The following ADCK1 variants were observed in gnomAD, a reference collection of about 807,000 sequenced individuals.
ADCK1 encodes the protein aarF domain containing kinase 1.
Under a neutral mutation model 52.3 loss-of-function variants are expected in ADCK1, and 41 were observed. The observed-to-expected ratio is 0.78, with a 90% confidence interval of 0.61 to 1.02. ADCK1 has a LOEUF of 1.02. Ranked by LOEUF, ADCK1 falls within the 50% of genes least tolerant of loss-of-function variation. The pLI is 0.00. For missense variants in ADCK1, 658 were observed against 679.5 expected (o/e 0.97, Z 0.35); for synonymous variants, 250 against 274.6 (o/e 0.91, Z 0.89).
chr14:77,929,455 G>T (rs923530029), intron 9 of ADCK1, among the ~76,000 whole-genome samples: 12 of 152,330 alleles, frequency 7.9e-5, no homozygotes, highest in Middle Eastern at 3.4e-3. Context: ...TTAAGAGCAA[G>T]AAAACCTTTT....
chr14:77,878,352 C>T (rs1288750128), intron 4 of ADCK1, among the ~76,000 whole-genome samples: 1 of 152,234 alleles, frequency 6.6e-6, no homozygotes, highest in African/African-American at 2.4e-5. Context: ...TACATACGAG[C>T]ATTTTGAAGG....
intron 7 of ADCK1, among the ~76,000 whole-genome samples, chr14:77,908,747 G>A (rs1479092468): frequency 6.6e-6 from 1 of 152,134 alleles, no homozygotes; most frequent in Non-Finnish European, 1.5e-5. Context: ...GCTCGCAGGG[G>A]GACCAGACCT....
intron 7 of ADCK1, among the ~76,000 whole-genome samples, chr14:77,910,804 C>A (rs2083774274): frequency 6.6e-6 from 1 of 152,218 alleles, no homozygotes; most frequent in African/African-American, 2.4e-5. Flanking sequence ...GCAGTAGGAG[C>A]TGGGCAGGGC....
At chr14:77,892,512 T>C (rs190458651) in intron 5 of ADCK1, among the ~76,000 whole-genome samples, 32 of 152,256 alleles carry the variant, frequency 2.1e-4, no homozygotes, top group African/African-American at 6.0e-4. Context: ...TCAGACTCTT[T>C]CCATGTTTCA....
intron 7 of ADCK1, among the ~76,000 whole-genome samples, chr14:77,920,250 C>G (rs945320941): frequency 6.6e-6 from 1 of 152,106 alleles, no homozygotes; most frequent in Admixed American, 6.5e-5. Flanking sequence ...AGATTTAAGT[C>G]TTTGATCCAT....
At chr14:77,877,392 G>T (rs1268688921) in intron 4 of ADCK1, among the ~76,000 whole-genome samples, 1 of 152,208 alleles carries the variant, frequency 6.6e-6, no homozygotes, top group Non-Finnish European at 1.5e-5. Flanking sequence ...TGTGGATGCA[G>T]GAACAACTGA....
Position 77,873,280 on chromosome 14 carries a change from T to C in ADCK1, c.424-13811T>C, listed in dbSNP as rs1402528874. The stretch of plus-strand genomic sequence containing the variant: ...GGGCTAATCAAGTTTTTATGCTGAT[T>C]ATGAATAGGCCAGCTGGGCCTGCTT... On this transcript the variant is annotated intron_variant, in intron 4 of 10. Coordinates refer to ENST00000238561, the MANE Select transcript of ADCK1 (RefSeq NM_020421.4). Among the ~76,000 whole-genome samples the C allele has an allele frequency of 2.6e-5, 4 of 152,234 alleles. 1 individual carries two copies. The East Asian group carries it at 7.7e-4, about 29-fold the overall frequency.
At chr14:77,817,499 ACT>A (rs146322145) in intron 1 of ADCK1, among the ~76,000 whole-genome samples, 11 of 152,198 alleles carry the variant, frequency 7.2e-5, no homozygotes, top group African/African-American at 2.4e-4. Flanking sequence ...AAGGGGAAGC[ACT>A]CTGTTGGGTG....
At chr14:77,870,961 TG>T (rs1283995327) in intron 4 of ADCK1, among the ~76,000 whole-genome samples, 3 of 152,252 alleles carry the variant, frequency 2.0e-5, no homozygotes, top group Non-Finnish European at 4.4e-5. Context: ...TGTCTCCTCG[TG>T]ACCCAGAGGT....
At chr14:77,857,459 T>A (rs1323413792) in intron 3 of ADCK1, among the ~76,000 whole-genome samples, 3 of 152,184 alleles carry the variant, frequency 2.0e-5, no homozygotes, top group African/African-American at 2.4e-5. Context: ...CTATCAAACA[T>A]TGAATTTATC....
intron 7 of ADCK1, among the ~76,000 whole-genome samples, chr14:77,910,160 TGAAACA>T (rs1460457976): frequency 6.6e-6 from 1 of 152,134 alleles, no homozygotes; most frequent in Non-Finnish European, 1.5e-5. Context: ...CAGGCTACAC[TGAAACA>T]GATACCACTC....
chr14:77,926,511 C>T (rs576975966), intron 9 of ADCK1, among the ~76,000 whole-genome samples: 28 of 152,258 alleles, frequency 1.8e-4, no homozygotes, highest in African/African-American at 5.5e-4. Flanking sequence ...GACGGAGTCT[C>T]GCTCTGTCGC....
rs1177955789 is a variant in ADCK1, at chr14:77,896,097, A to G, written c.583-3003A>G. 2.0e-5 allele frequency among the ~76,000 whole-genome samples: 3 copies of G among 152,232 alleles called. No homozygotes were observed. In the East Asian group the frequency reaches 5.8e-4, roughly 29 times the overall value. On this transcript the variant is annotated intron_variant, in intron 5 of 10. Coordinates refer to ENST00000238561, the MANE Select transcript of ADCK1 (RefSeq NM_020421.4). The stretch of plus-strand genomic sequence containing the variant: ...TATTAGTTAATATAATAGACTGCTT[A>G]TGATTAATGATGTCAGGTATTACCA...
At chr14:77,841,402 G>A (rs939052192) in intron 3 of ADCK1, among the ~76,000 whole-genome samples, 1 of 152,156 alleles carries the variant, frequency 6.6e-6, no homozygotes, top group African/African-American at 2.4e-5. Flanking sequence ...GCAGTGAAGA[G>A]TTAGGAACAG....
At chr14:77,907,965 G>T in intron 7 of ADCK1, 46 bp downstream of exon 7, 1 of 1,555,514 alleles carries the variant, frequency 6.4e-7, no homozygotes, top group African/African-American at 1.4e-5. Flanking sequence ...ACGTGGGCTT[G>T]GTCAAGGCTG....
At chr14:77,851,485 T>G (rs1436331890) in intron 3 of ADCK1, among the ~76,000 whole-genome samples, 1 of 152,194 alleles carries the variant, frequency 6.6e-6, no homozygotes, top group Non-Finnish European at 1.5e-5. Flanking sequence ...GGATAGTTGA[T>G]AAGGTTGGAT....
intron 3 of ADCK1, among the ~76,000 whole-genome samples, chr14:77,830,144 CT>C (rs1314539294): frequency 9.9e-4 from 141 of 142,508 alleles, no homozygotes; most frequent in Admixed American, 1.1e-3. Context: ...ATTAAATTTT[CT>C]TTTTTTTTTT....
intron 3 of ADCK1, among the ~76,000 whole-genome samples, chr14:77,849,155 G>A (rs573753702): frequency 5.9e-5 from 9 of 152,240 alleles, no homozygotes; most frequent in Admixed American, 5.2e-4. Flanking sequence ...GCTCACTGCA[G>A]CCTCAAACTC....
rs1241282762 is a variant in ADCK1, at chr14:77,933,675, A to C, written c.*284A>C. ...TGCCATTGGGTTGGATGTCCCCACT[A>C]CTTCCGTTAACCCTTCCCATTGTCA... On this transcript the variant is annotated 3_prime_UTR_variant, in exon 11 of 11. Coordinates refer to ENST00000238561, the MANE Select transcript of ADCK1 (RefSeq NM_020421.4). 2 of 380,474 alleles carry C rather than the reference A, an allele frequency of 5.3e-6. No homozygotes were observed. Among genetic ancestry groups the C allele is most frequent in the East Asian group, 8.3e-5 (2 of 24,014 alleles). The allele number at this position is 380,474 out of a possible 1,614,324, so 23.6% of individuals were successfully genotyped here. A position where few individuals can be genotyped will look rare whatever the true frequency, so the allele number is the denominator to read the frequency against.
Sources: gnomAD v4.1 joint callset for allele counts (sites outside exome capture counted in the v4.1 genomes callset) on GRCh38, gnomAD v4.1.1 for gene constraint, MANE v1.5 for transcripts, NCBI Gene and HGNC (gene_info 2026-07-23, HGNC 2026-07-21) for gene names.